SLC22A23: variants seen among roughly 807,000 people sequenced by gnomAD.
SLC22A23 encodes the protein solute carrier family 22 member 23.
Under a neutral mutation model 61.0 loss-of-function variants are expected in SLC22A23, and 26 were observed. That is an observed-to-expected ratio of 0.43 (90% CI 0.31 to 0.59). The LOEUF is 0.59. SLC22A23 is among the 20% of genes least tolerant of loss of function. The pLI is 0.11. For missense variants in SLC22A23, 796 were observed against 934.7 expected, an observed-to-expected ratio of 0.85 and a Z score of 1.94; for synonymous variants, 430 against 413.9, an observed-to-expected ratio of 1.04 and a Z score of -0.47.
At position 3,455,345 on chromosome 6, in the gene SLC22A23, G is replaced by C. The variant is rs963118145; in HGVS notation, c.654+561C>G. ...GTAGTGATGTTTACTGAAGTGCTGA[G>C]AAAACATGGGAGGAGACACTGGGGT... On this transcript the variant is annotated intron_variant, in intron 1 of 9. Transcript: ENST00000406686. 3.3e-5 allele frequency among the ~76,000 whole-genome samples: 5 copies of C among 152,350 alleles called. No individual in the cohort carries two copies. The South Asian group carries it at 1.0e-3, about 32-fold the overall frequency.
At chr6:3,355,874 C>T (rs542611183) in intron 3 of SLC22A23, among the ~76,000 whole-genome samples, 9 of 150,002 alleles carry the variant, frequency 6.0e-5, no homozygotes, top group Non-Finnish European at 1.2e-4. Context: ...CTGGATATAA[C>T]GCTGAGGTAT....
chr6:3,357,566 T>G (rs554586134), intron 3 of SLC22A23, among the ~76,000 whole-genome samples: 2 of 152,318 alleles, frequency 1.3e-5, no homozygotes, highest in African/African-American at 2.4e-5. Context: ...ATAAAAAAAT[T>G]TAGAATTTCC....
At chr6:3,285,039 T>C in intron 8 of SLC22A23, 40 bp downstream of exon 8, 3 of 1,609,112 alleles carry the variant, frequency 1.9e-6, no homozygotes, top group Non-Finnish European at 2.5e-6. Flanking sequence ...TTAGATGTAA[T>C]ATGAGACGAG....
At chr6:3,388,977 C>G (rs1036630649) in intron 3 of SLC22A23, among the ~76,000 whole-genome samples, 34 of 151,924 alleles carry the variant, frequency 2.2e-4, no homozygotes, top group African/African-American at 8.2e-4. Context: ...TGAAAAAGTT[C>G]TGTGGTGGCT....
chr6:3,295,159 C>T (rs188840593), intron 5 of SLC22A23, among the ~76,000 whole-genome samples: 108 of 152,354 alleles, frequency 7.1e-4, no homozygotes, highest in African/African-American at 2.3e-3. Context: ...CTGGCCTTGC[C>T]GCTCTGCAGG....
chr6:3,310,426 A>AGGGAGCACCCTGTCTGT (rs763806801), intron 4 of SLC22A23, among the ~76,000 whole-genome samples: 14,289 of 148,354 alleles, frequency 0.096, 1,229 homozygotes, highest in East Asian at 0.19. Flanking sequence ...CCTGTCTCCC[A>AGGGAGCACCCTGTCTGT]CTCGAGCACC....
chr6:3,352,639 C>T (rs553688212), intron 3 of SLC22A23, among the ~76,000 whole-genome samples: 4 of 152,296 alleles, frequency 2.6e-5, no homozygotes, highest in African/African-American at 9.6e-5. Context: ...CTGGGACTCA[C>T]CTGAATCATG....
At chr6:3,281,006 C>T (rs976440892) in intron 9 of SLC22A23, among the ~76,000 whole-genome samples, 3 of 152,170 alleles carry the variant, frequency 2.0e-5, no homozygotes, top group African/African-American at 7.2e-5. Flanking sequence ...CAGGAGAAAA[C>T]AGGCGGGTGT....
At chr6:3,447,475 C>G (rs998241907) in intron 1 of SLC22A23, among the ~76,000 whole-genome samples, 1 of 152,120 alleles carries the variant, frequency 6.6e-6, no homozygotes, top group Non-Finnish European at 1.5e-5. Flanking sequence ...TCTATGGAAG[C>G]TGAGCTGTCT....
intron 6 of SLC22A23, among the ~76,000 whole-genome samples, chr6:3,288,399 G>C (rs1760253847): frequency 6.6e-6 from 1 of 152,214 alleles, no homozygotes; most frequent in South Asian, 2.1e-4. Flanking sequence ...CCCTTGCCAG[G>C]TGAATGCCTT....
rs972184859 is a variant in SLC22A23, at chr6:3,270,858, G to C, written c.*2197C>G. 1 of 151,696 alleles carries C rather than the reference G, an allele frequency of 6.6e-6. No homozygotes were observed. Among genetic ancestry groups the C allele is most frequent in the African/African-American group, 2.4e-5 (1 of 41,190 alleles). The allele number at this position is 151,696 out of a possible 1,614,324, so 9.4% of individuals were successfully genotyped here. Reference sequence around the variant, plus strand: ...TCCAAAAAAAAAAAAAAGTTTACACGACCAGTGAGACTGCTCGCAACTTTC... The same window carrying C: ...TCCAAAAAAAAAAAAAAGTTTACACCACCAGTGAGACTGCTCGCAACTTTC... On this transcript the variant is annotated 3_prime_UTR_variant, in exon 10 of 10. Coordinates refer to ENST00000406686, the MANE Select transcript of SLC22A23 (RefSeq NM_015482.2).
Position 3,441,714 on chromosome 6 carries a change from A to G in SLC22A23, c.654+14192T>C, listed in dbSNP as rs187410503. ...CTGGGATGTGCTCGGTTCACCCCCC[A>G]CCCTCAGCTCCCATTCCCTGCCCCG... is the stretch of plus-strand genomic sequence containing the variant. On this transcript the variant is annotated intron_variant, in intron 1 of 9. Transcript: ENST00000406686. Among the ~76,000 whole-genome samples, 61 of 151,886 alleles carry G rather than the reference A, an allele frequency of 4.0e-4. 1 individual carries two copies. The Middle Eastern group carries it at 0.01, about 25-fold the overall frequency.
At chr6:3,283,723 C>T (rs1189363683) in intron 9 of SLC22A23, 129 bp downstream of exon 9, 1 of 1,501,516 alleles carries the variant, frequency 6.7e-7, no homozygotes, top group South Asian at 1.2e-5. Context: ...CAGCTATGAA[C>T]CACGAAGCTG....
chr6:3,397,228 C>T (rs1768072344), intron 3 of SLC22A23, among the ~76,000 whole-genome samples: 1 of 152,204 alleles, frequency 6.6e-6, no homozygotes, highest in African/African-American at 2.4e-5. Context: ...CTTCCCTAGG[C>T]CTCAGATTTC....
chr6:3,331,558 A>G (rs1462361565), intron 3 of SLC22A23, among the ~76,000 whole-genome samples: 1 of 152,232 alleles, frequency 6.6e-6, no homozygotes, highest in Admixed American at 6.5e-5. Context: ...TAATTTGAGG[A>G]AAATCAACCA....
At chr6:3,332,651 A>C (rs1399698044) in intron 3 of SLC22A23, among the ~76,000 whole-genome samples, 1 of 152,202 alleles carries the variant, frequency 6.6e-6, no homozygotes, top group African/African-American at 2.4e-5. Flanking sequence ...TTTAAATACA[A>C]ATATGTCTCT....
At position 3,454,618 on chromosome 6, in the gene SLC22A23, A is replaced by G. The variant is rs1772303172; in HGVS notation, c.654+1288T>C. Among the ~76,000 whole-genome samples, 1 of 152,142 alleles carries G rather than the reference A, an allele frequency of 6.6e-6. No individual in the cohort carries two copies. Among genetic ancestry groups the G allele is most frequent in the Non-Finnish European group, 1.5e-5 (1 of 68,024 alleles). On this transcript the variant is annotated intron_variant, in intron 1 of 9. Transcript: ENST00000406686. The surrounding 1 kb of genome is among the most constrained non-coding windows in gnomAD (Gnocchi z 4.3). ...GTGAAGGGAAAACAGTCACAGAAACACCTTTAGAAAGCAGGGGGTAGGAGG... is the reference window on the plus strand; with the variant it reads ...GTGAAGGGAAAACAGTCACAGAAACGCCTTTAGAAAGCAGGGGGTAGGAGG...
intron 3 of SLC22A23, among the ~76,000 whole-genome samples, chr6:3,362,438 A>AAAAAAAAAAAAAAAAC (rs1765536925): frequency 7.3e-6 from 1 of 136,852 alleles, no homozygotes. Flanking sequence ...ATAAAAAATA[A>AAAAAAAAAAAAAAAAC]AAATTAGCAT....
chr6:3,444,750 G>A (rs1296239300), intron 1 of SLC22A23: 1 of 961,082 alleles, frequency 1.0e-6, no homozygotes, highest in Non-Finnish European at 1.2e-6. Flanking sequence ...CATAAACCCT[G>A]TAGAGGGTGC....
Sources: allele counts gnomAD v4.1 joint callset (sites outside exome capture counted in the v4.1 genomes callset), GRCh38; gene constraint gnomAD v4.1.1; non-coding constraint Gnocchi (gnomAD v3.1); transcripts MANE v1.5; gene names NCBI Gene and HGNC (gene_info 2026-07-23, HGNC 2026-07-21).